ALK: variants seen among roughly 807,000 people sequenced by gnomAD.
The protein encoded by ALK is ALK receptor tyrosine kinase, also known as ALK tyrosine kinase receptor.
Under a neutral mutation model 163.1 loss-of-function variants are expected in ALK, and 74 were observed. The observed-to-expected ratio is 0.45, with a 90% CI of 0.38 to 0.55. The LOEUF (loss-of-function observed/expected upper bound fraction) is 0.55, where lower values mean the gene tolerates loss of function less well. Ranked by LOEUF, ALK falls within the 20% of genes least tolerant of loss-of-function variation. The pLI, the probability that ALK is intolerant of heterozygous loss-of-function variation, is 0.00. For missense variants in ALK, 2,063 were observed against 2,105.3 expected (o/e 0.98, Z 0.39); for synonymous variants, 960 against 843.2 (o/e 1.14, Z -2.40).
intron 3 of ALK, among the ~76,000 whole-genome samples, chr2:29,656,282 G>T (rs11902206): frequency 6.6e-6 from 1 of 151,930 alleles, no homozygotes; most frequent in South Asian, 2.1e-4. Flanking sequence ...AATGGTAGAG[G>T]GACTGACTGA....
intron 19 of ALK, 175 bp from the exon 20 acceptor site, chr2:29,223,703 G>A (rs1411034860): frequency 3.2e-6 from 2 of 631,008 alleles, no homozygotes; most frequent in Non-Finnish European, 5.5e-6. Context: ...GTCTTTAATT[G>A]AAGCATGATT....
chr2:29,773,453 T>G (rs10201786), intron 1 of ALK, among the ~76,000 whole-genome samples: 1 of 151,946 alleles, frequency 6.6e-6, no homozygotes, highest in Non-Finnish European at 1.5e-5. Context: ...ATAGAGGAAG[T>G]CTCTGCTTTT....
At position 29,594,967 on chromosome 2, in the gene ALK, C is replaced by T. The variant is rs187025409; in HGVS notation, c.953-62851G>A. Among the ~76,000 whole-genome samples, 398 of 145,218 alleles carry T rather than the reference C, an allele frequency of 2.7e-3. 1 individual carries two copies. Among genetic ancestry groups the T allele is most frequent in the Admixed American group, 5.4e-3 (77 of 14,180 alleles). On this transcript the variant is annotated intron_variant, in intron 3 of 28. Transcript: ENST00000389048. ...CTGATAAAAATGCAAAAGGAAGGAA[C>T]AGAAGGAATAGATTATTTACAAGAA...
In ALK at chr2:29,884,073, A is replaced by G. The variant is rs537680841; in HGVS notation, c.667+35920T>C. On this transcript the variant is annotated intron_variant, in intron 1 of 28. Coordinates refer to ENST00000389048, the MANE Select transcript of ALK (RefSeq NM_004304.5). The stretch of plus-strand genomic sequence containing the variant: ...AAAGATGCAGCATTAAATCATAACT[A>G]TGAAATTAATTTTAGTTAATACTGT... 4.6e-5 allele frequency among the ~76,000 whole-genome samples: 7 copies of G among 152,342 alleles called. No homozygotes were observed. In the South Asian group the frequency reaches 1.4e-3, roughly 32 times the overall value.
At chr2:29,827,897 C>T (rs1425405857) in intron 1 of ALK, among the ~76,000 whole-genome samples, 9 of 152,170 alleles carry the variant, frequency 5.9e-5, no homozygotes, top group East Asian at 3.9e-4. Context: ...GGAGGCATCA[C>T]GCTATCTGAC....
rs1426540986 is a variant in ALK, at chr2:29,920,671, A to G, written c.-12T>C. 2.0e-6 allele frequency: 3 copies of G among 1,533,872 alleles called. No individual in the cohort carries two copies. Among genetic ancestry groups the G allele is most frequent in the Non-Finnish European group, 2.6e-6 (3 of 1,146,880 alleles). On this transcript the variant is annotated 5_prime_UTR_variant, in exon 1 of 29. Transcript: ENST00000389048. ...CCGATGGCTCCCATCCCGCCGGAGG[A>G]GGCCGTTTACACTGCTCTCCGGGCC...
chr2:29,473,557 T>TA (rs2148112669), intron 4 of ALK, among the ~76,000 whole-genome samples: 1 of 151,646 alleles, frequency 6.6e-6, no homozygotes, highest in Non-Finnish European at 1.5e-5. Context: ...ATACAAACAA[T>TA]ACAACAAAAA....
chr2:29,551,682 G>C (rs933892108), intron 3 of ALK, among the ~76,000 whole-genome samples: 1 of 152,228 alleles, frequency 6.6e-6, no homozygotes, highest in African/African-American at 2.4e-5. Flanking sequence ...TGGATAGTGT[G>C]ACCTCAGTCT....
chr2:29,464,010 G>T (rs112920715), intron 4 of ALK, among the ~76,000 whole-genome samples: 1 of 152,310 alleles, frequency 6.6e-6, no homozygotes, highest in African/African-American at 2.4e-5. Context: ...CTCTGAGTCT[G>T]ACACAGCAAA....
chr2:29,839,787 G>A (rs1665653979), intron 1 of ALK, among the ~76,000 whole-genome samples: 1 of 152,054 alleles, frequency 6.6e-6, no homozygotes. Context: ...GATTTCTGTG[G>A]CTCTTGGTGT....
intron 4 of ALK, among the ~76,000 whole-genome samples, chr2:29,486,151 G>T (rs1292647826): frequency 2.0e-5 from 3 of 152,042 alleles, no homozygotes; most frequent in Admixed American, 1.3e-4. Context: ...TCCTTGTGCT[G>T]CATTTAGAGC....
intron 3 of ALK, among the ~76,000 whole-genome samples, chr2:29,596,792 C>T (rs73921116): frequency 0.018 from 2,682 of 152,280 alleles, 76 homozygotes; most frequent in African/African-American, 0.06. Flanking sequence ...GGCCAGGGCA[C>T]GTCCCTACTT....
intron 1 of ALK, among the ~76,000 whole-genome samples, chr2:29,914,041 T>G (rs562949425): frequency 6.6e-6 from 1 of 152,326 alleles, no homozygotes; most frequent in Admixed American, 6.5e-5. Flanking sequence ...CCATCTTAAC[T>G]TTCATATTTT....
intron 1 of ALK, among the ~76,000 whole-genome samples, chr2:29,792,922 T>C (rs1664223008): frequency 6.6e-6 from 1 of 152,302 alleles, no homozygotes; most frequent in South Asian, 2.1e-4. Flanking sequence ...ATGGTTGGGG[T>C]GTCTGTGGCA....
At chr2:29,320,307 C>T (rs1384653885) in intron 7 of ALK, among the ~76,000 whole-genome samples, 4 of 152,102 alleles carry the variant, frequency 2.6e-5, no homozygotes, top group Non-Finnish European at 4.4e-5. Context: ...AGGGAATGGA[C>T]CATGGACCGG....
chr2:29,511,267 G>T (rs1428888912), intron 4 of ALK, among the ~76,000 whole-genome samples: 3 of 151,800 alleles, frequency 2.0e-5, no homozygotes, highest in Non-Finnish European at 4.4e-5. Flanking sequence ...CTTCCAAAAA[G>T]TTATCTTGTC....
At position 29,408,081 on chromosome 2, in the gene ALK, C is replaced by CTTTTTTTT. The variant is rs760683752; in HGVS notation, c.1155-24223_1155-24222insAAAAAAAA. Reference sequence around the variant, plus strand: ...TAGGCAAAGGTACTCAGGGAAAGTTCTTTTTCTTTTTTTTTTTTTGAGATG... The same window carrying CTTTTTTTT: ...TAGGCAAAGGTACTCAGGGAAAGTTCTTTTTTTTTTTTTCTTTTTTTTTTTTTGAGATG... On this transcript the variant is annotated intron_variant, in intron 4 of 28. Coordinates refer to ENST00000389048, the MANE Select transcript of ALK (RefSeq NM_004304.5). Among the ~76,000 whole-genome samples, 5 of 140,888 alleles carry CTTTTTTTT rather than the reference C, an allele frequency of 3.5e-5. 1 individual carries two copies. Among genetic ancestry groups the CTTTTTTTT allele is most frequent in the African/African-American group, 5.6e-5 (2 of 35,818 alleles). The allele number at this position is 140,888 out of a possible 152,430, so 92.4% of individuals were successfully genotyped here. A position where few individuals can be genotyped will look rare whatever the true frequency, so the allele number is the denominator to read the frequency against.
intron 3 of ALK, among the ~76,000 whole-genome samples, chr2:29,642,897 A>G (rs1676745220): frequency 6.6e-6 from 1 of 152,186 alleles, no homozygotes. Flanking sequence ...CATTTATTCC[A>G]CCAACTTTTA....
At chr2:29,913,600 A>C (rs568326804) in intron 1 of ALK, among the ~76,000 whole-genome samples, 46 of 151,984 alleles carry the variant, frequency 3.0e-4, no homozygotes, top group Non-Finnish European at 2.8e-4. Flanking sequence ...TTTTTTATCT[A>C]CTCCCAAGTA....
Sources: gnomAD v4.1 joint callset for allele counts (sites outside exome capture counted in the v4.1 genomes callset) on GRCh38, gnomAD v4.1.1 for gene constraint, MANE v1.5 for transcripts, NCBI Gene and HGNC (gene_info 2026-07-23, HGNC 2026-07-21) for gene names.